Variants in ZNF525 observed in about 807,000 individuals in gnomAD.
ZNF525 encodes the protein zinc finger protein 525.
ZNF525 carries 33 observed loss-of-function variants against 37.6 expected under a neutral mutation model. That is an observed-to-expected ratio of 0.88 (90% CI 0.67 to 1.17). ZNF525 has a LOEUF of 1.17. Among genes scored for constraint, ZNF525 ranks in the 50% most tolerant of loss-of-function variants. The pLI, the probability that ZNF525 is intolerant of heterozygous loss-of-function variation, is 0.00. For synonymous variants in ZNF525, 170 were observed against 182.3 expected (o/e 0.93, Z 0.54); for missense variants, 449 against 543.1 (o/e 0.83, Z 1.72).
Position 53,366,801 on chromosome 19 carries a change from G to GA in ZNF525, c.-68+1042_-68+1043insA, listed in dbSNP as rs995620673. Among the ~76,000 whole-genome samples the GA allele has an allele frequency of 1.4e-3, 207 of 148,644 alleles. 3 individuals are homozygous for GA. The highest frequency in any genetic ancestry group is 2.4e-3 in the Non-Finnish European group (160 of 67,790). On this transcript the variant is annotated intron_variant, in intron 1 of 3. Transcript: ENST00000474037. ...TGGGGTGCCAGAGAGTGGGGACAGG[G>GA]GGTATAACAGAGAAGAGAGAATTTA...
intron 1 of ZNF525, among the ~76,000 whole-genome samples, chr19:53,368,019 T>C (rs909947628): frequency 1.3e-5 from 2 of 152,054 alleles, no homozygotes; most frequent in African/African-American, 4.8e-5. Context: ...TCTATTTTTA[T>C]GTCTTTTCTT....
At chr19:53,376,329 G>A (rs1253566387) in intron 3 of ZNF525, 3 of 702,822 alleles carry the variant, frequency 4.3e-6, no homozygotes, top group Non-Finnish European at 7.8e-6. Context: ...GTTGGTTCCT[G>A]TTGATTGAGT....
intron 3 of ZNF525, among the ~76,000 whole-genome samples, chr19:53,380,233 G>A (rs1297845634): frequency 6.6e-6 from 1 of 151,904 alleles, no homozygotes; most frequent in East Asian, 2.0e-4. Flanking sequence ...TGGGAGTACA[G>A]ACGTGCACCA....
At chr19:53,372,984 G>A (rs2085497889) in intron 2 of ZNF525, among the ~76,000 whole-genome samples, 1 of 152,028 alleles carries the variant, frequency 6.6e-6, no homozygotes, top group Non-Finnish European at 1.5e-5. Flanking sequence ...CAGTAAAAAT[G>A]GTTATAACTT....
intron 1 of ZNF525, among the ~76,000 whole-genome samples, chr19:53,368,251 A>G (rs2085462037): frequency 6.6e-6 from 1 of 152,158 alleles, no homozygotes; most frequent in African/African-American, 2.4e-5. Flanking sequence ...AGCTGATACT[A>G]TGTGTGGTTT....
At chr19:53,366,654 A>G (rs1315676417) in intron 1 of ZNF525, among the ~76,000 whole-genome samples, 2 of 151,538 alleles carry the variant, frequency 1.3e-5, no homozygotes, top group African/African-American at 4.9e-5. Context: ...GACAGCAAAG[A>G]GGGAGGCTCA....
At position 53,385,197 on chromosome 19, in the gene ZNF525, G is replaced by T; in HGVS notation, c.*3178G>T. The T allele has an allele frequency of 2.1e-6, 1 of 484,730 alleles. No individual in the cohort carries two copies. The highest frequency in any genetic ancestry group is 4.0e-5 in the Admixed American group (1 of 24,980). 30.0% of individuals were successfully genotyped at this position (484,730 alleles called of 1,614,324 possible). ...GGACAAGGGATCTTCAAGAAGTTCT[G>T]GAAAAATACATATTATGAGAAAATT... is the stretch of plus-strand genomic sequence containing the variant. On this transcript the variant is annotated 3_prime_UTR_variant, in exon 4 of 4. Transcript: ENST00000474037.
In ZNF525 at chr19:53,382,752, A is replaced by C. The variant is rs1568763925; in HGVS notation, c.*733A>C. 3.3e-6 allele frequency: 3 copies of C among 898,020 alleles called. No homozygotes were observed. The highest frequency in any genetic ancestry group is 5.2e-5 in the East Asian group (2 of 38,526). 55.6% of individuals were successfully genotyped at this position (898,020 alleles called of 1,614,324 possible). A position where few individuals can be genotyped will look rare whatever the true frequency, so the allele number is the denominator to read the frequency against. ...CCTTACAAGTGTGATAAATGTGACA[A>C]ATTTTTCAGACATCGTTCATACCTT... On this transcript the variant is annotated 3_prime_UTR_variant, in exon 4 of 4. Coordinates refer to ENST00000474037, the MANE Select transcript of ZNF525 (RefSeq NM_001348156.2).
chr19:53,372,316 G>A lies in ZNF525; in HGVS notation c.15+20G>A, dbSNP rs7253278. The stretch of plus-strand genomic sequence containing the variant: ...CCTCAGGTGAGACGATATTCTCAGT[G>A]GATTGTTCTGTCTCCTTCCTTTCAG... On this transcript the variant is annotated intron_variant, in intron 2 of 3. Transcript: ENST00000474037. 191,055 of 782,782 alleles carry A rather than the reference G, an allele frequency of 0.24. 26,341 individuals are homozygous for A. The highest frequency in any genetic ancestry group is 0.45 in the East Asian group (18,623 of 41,148). The allele number at this position is 782,782 out of a possible 1,614,324, so 48.5% of individuals were successfully genotyped here.
chr19:53,380,906 T>C lies in ZNF525; in HGVS notation c.327T>C (p.His109=), dbSNP rs1290535101. 4 of 1,490,914 alleles carry C rather than the reference T, an allele frequency of 2.7e-6. No individual in the cohort carries two copies. The highest frequency in any genetic ancestry group is 3.7e-6 in the Non-Finnish European group (4 of 1,067,886). 92.4% of individuals were successfully genotyped at this position (1,490,914 alleles called of 1,614,324 possible). A position where few individuals can be genotyped will look rare whatever the true frequency, so the allele number is the denominator to read the frequency against. The change falls in exon 4 of 4, where the codon CAT becomes CAC. Residue 109 remains histidine (H), a synonymous_variant. Transcript: ENST00000474037. ...FQWQEDERNG[H]EAPMTKIKKL... is the part of the protein sequence containing the mutation. ...GGCAAGAAGATGAAAGAAATGGCCA[T>C]GAAGCACCCATGACAAAAATCAAAA...
chr19:53,375,584 C>A (rs1207262990), intron 2 of ZNF525, among the ~76,000 whole-genome samples, 186 bp from the exon 3 acceptor site: 1 of 150,964 alleles, frequency 6.6e-6, no homozygotes. Context: ...GACTCTGTCT[C>A]AAAAAAAATA....
At chr19:53,367,571 G>C (rs1463226101) in intron 1 of ZNF525, among the ~76,000 whole-genome samples, 13 of 152,108 alleles carry the variant, frequency 8.5e-5, no homozygotes. Context: ...AGTATTTCTA[G>C]AACTACTCCT....
At chr19:53,369,246 TTC>T (rs1326736675) in intron 1 of ZNF525, among the ~76,000 whole-genome samples, 1 of 148,704 alleles carries the variant, frequency 6.7e-6, no homozygotes, top group Non-Finnish European at 1.5e-5. Context: ...TATGTACAAG[TTC>T]TTTTTTTTTT....
chr19:53,374,042 C>T (rs1311514195), intron 2 of ZNF525, among the ~76,000 whole-genome samples: 2 of 152,038 alleles, frequency 1.3e-5, no homozygotes, highest in Non-Finnish European at 2.9e-5. Context: ...GCTACCACAC[C>T]TGGCTAATTT....
rs2085565956 is a variant in ZNF525, at chr19:53,381,757, G to C, written c.1178G>C (p.Ser393Thr). 5 of 1,061,724 alleles carry C rather than the reference G, an allele frequency of 4.7e-6. No homozygotes were observed. Among genetic ancestry groups the C allele is most frequent in the Non-Finnish European group, 7.4e-6 (5 of 675,182 alleles). 65.8% of individuals were successfully genotyped at this position (1,061,724 alleles called of 1,614,324 possible). The part of the protein sequence containing the change: ...YKCNDCGKTF[S>T]HMSTLTCHRR... ...TGTAATGATTGTGGCAAGACCTTCA[G>C]TCATATGTCAACCCTTACATGCCAT... The change falls in exon 4 of 4, where the codon AGT (serine) becomes ACT (threonine). Residue 393 changes from serine to threonine, a missense_variant. Physicochemically the swap from Ser to Thr is moderately conservative, Grantham distance 58. This residue lies in a region of ZNF525 where 178 missense variants were observed against 161.5 expected (regional missense o/e 1.10). Coordinates refer to ENST00000474037, the MANE Select transcript of ZNF525 (RefSeq NM_001348156.2).
At position 53,382,237 on chromosome 19, in the gene ZNF525, G is replaced by A. The variant is rs2085571668; in HGVS notation, c.*218G>A. ...CACACTGGTGAGAAACCTTACAGGTGTAATAGGTGTGGCAAGACCTTCAGT... is the reference window on the plus strand; with the variant it reads ...CACACTGGTGAGAAACCTTACAGGTATAATAGGTGTGGCAAGACCTTCAGT... On this transcript the variant is annotated 3_prime_UTR_variant, in exon 4 of 4. Coordinates refer to ENST00000474037, the MANE Select transcript of ZNF525 (RefSeq NM_001348156.2). 3.8e-6 allele frequency: 6 copies of A among 1,564,420 alleles called. No homozygotes were observed. The South Asian group carries it at 4.4e-5, about 12-fold the overall frequency.
In ZNF525 at chr19:53,381,011, T is replaced by C. The variant is rs778357704; in HGVS notation, c.432T>C (p.Phe144=). The change falls in exon 4 of 4, where the codon TTT becomes TTC. Residue 144 remains phenylalanine, a synonymous_variant. Coordinates refer to ENST00000474037, the MANE Select transcript of ZNF525 (RefSeq NM_001348156.2). The part of the protein sequence containing the change: ...KPIKYQLGSS[F]HSHLSELHIF... ...TTAAATATCAGCTTGGATCAAGCTTTCATTCACATCTGTCTGAACTCCACA... is the reference window on the plus strand; with the variant it reads ...TTAAATATCAGCTTGGATCAAGCTTCCATTCACATCTGTCTGAACTCCACA... 11 of 1,586,218 alleles carry C rather than the reference T, an allele frequency of 6.9e-6. No homozygotes were observed. Among genetic ancestry groups the C allele is most frequent in the Non-Finnish European group, 9.5e-6 (11 of 1,154,602 alleles).
At position 53,384,913 on chromosome 19, in the gene ZNF525, C is replaced by T; in HGVS notation, c.*2894C>T. Reference sequence around the variant, plus strand: ...CCTGCTTGGTTATTTACTCATTTGTCATTTCATGGATGTTCTTTCTATTGT... The same window carrying T: ...CCTGCTTGGTTATTTACTCATTTGTTATTTCATGGATGTTCTTTCTATTGT... On this transcript the variant is annotated 3_prime_UTR_variant, in exon 4 of 4. Coordinates refer to ENST00000474037, the MANE Select transcript of ZNF525 (RefSeq NM_001348156.2). 2 of 697,968 alleles carry T rather than the reference C, an allele frequency of 2.9e-6. No homozygotes were observed. The highest frequency in any genetic ancestry group is 5.2e-6 in the Non-Finnish European group (2 of 383,384). The allele number at this position is 697,968 out of a possible 1,614,324, so 43.2% of individuals were successfully genotyped here. A position where few individuals can be genotyped will look rare whatever the true frequency, so the allele number is the denominator to read the frequency against.
In ZNF525 at chr19:53,382,782, T is replaced by C. The variant is rs2085576633; in HGVS notation, c.*763T>C. On this transcript the variant is annotated 3_prime_UTR_variant, in exon 4 of 4. Transcript: ENST00000474037. Reference sequence around the variant, plus strand: ...TTCAGACATCGTTCATACCTTGCAGTTCACGGGCGAACTCATGCTGGAGAG... The same window carrying C: ...TTCAGACATCGTTCATACCTTGCAGCTCACGGGCGAACTCATGCTGGAGAG... The C allele has an allele frequency of 1.9e-5, 20 of 1,057,592 alleles. No individual in the cohort carries two copies. The South Asian group carries it at 2.6e-4, about 14-fold the overall frequency. The allele number at this position is 1,057,592 out of a possible 1,614,324, so 65.5% of individuals were successfully genotyped here.
Sources: gnomAD v4.1 joint callset for allele counts (sites outside exome capture counted in the v4.1 genomes callset) on GRCh38, gnomAD v4.1.1 for gene constraint, gnomAD v4.1.1 regional missense constraint, MANE v1.5 for transcripts, NCBI Gene and HGNC (gene_info 2026-07-23, HGNC 2026-07-21) for gene names.